CSF2RB: variants seen among roughly 807,000 people sequenced by gnomAD.
CSF2RB encodes the protein colony stimulating factor 2 receptor subunit beta.
Under a neutral mutation model 67.2 loss-of-function variants are expected in CSF2RB, and 22 were observed. That is an observed-to-expected ratio of 0.33 (90% CI 0.23 to 0.47). CSF2RB has a LOEUF of 0.47. Among genes scored for constraint, CSF2RB ranks in the 20% least tolerant of loss-of-function variants. The pLI, the probability that CSF2RB is intolerant of heterozygous loss-of-function variation, is 1.00. For synonymous variants in CSF2RB, 507 were observed against 482.9 expected (o/e 1.05, Z -0.65); for missense variants, 1,113 against 1,174.5 (o/e 0.95, Z 0.76).
rs1012347639 is a variant in CSF2RB, at chr22:36,929,315, C to T, written c.392-87C>T. 2.3e-5 allele frequency: 37 copies of T among 1,583,454 alleles called. No homozygotes were observed. In the Middle Eastern group the frequency reaches 9.1e-4, roughly 39 times the overall value. On this transcript the variant is annotated intron_variant, in intron 4 of 13. Coordinates refer to ENST00000403662, the MANE Select transcript of CSF2RB (RefSeq NM_000395.3). ...GCTGGGGGCAGGGGTGGCCTGGAAC[C>T]CCCTGTGTCCACACAAAAGGCCATG... is the stretch of plus-strand genomic sequence containing the variant.
chr22:36,928,187 A>G (rs949313290), intron 4 of CSF2RB, among the ~76,000 whole-genome samples: 1 of 152,126 alleles, frequency 6.6e-6, no homozygotes, highest in Non-Finnish European at 1.5e-5. Context: ...CTGAGTCTCC[A>G]TGTTTGGAGA....
intron 1 of CSF2RB, among the ~76,000 whole-genome samples, chr22:36,915,870 G>A (rs1940706389): frequency 6.6e-6 from 1 of 152,166 alleles, no homozygotes; most frequent in Non-Finnish European, 1.5e-5. Context: ...TATGGGTGAA[G>A]TTGTACATTT....
intron 1 of CSF2RB, among the ~76,000 whole-genome samples, chr22:36,917,621 G>A (rs1442886275): frequency 2.0e-5 from 3 of 152,064 alleles, no homozygotes; most frequent in South Asian, 2.1e-4. Context: ...GATTTAAAAT[G>A]TATTGAACTT....
At position 36,939,463 on chromosome 22, in the gene CSF2RB, A is replaced by G. The variant is rs1941343729; in HGVS notation, c.*961A>G. The G allele has an allele frequency of 1.8e-6, 1 of 549,818 alleles. No homozygotes were observed. Among genetic ancestry groups the G allele is most frequent in the Non-Finnish European group, 3.3e-6 (1 of 305,370 alleles). 34.1% of individuals were successfully genotyped at this position (549,818 alleles called of 1,614,324 possible). A position where few individuals can be genotyped will look rare whatever the true frequency, so the allele number is the denominator to read the frequency against. ...CAGGCAACTCTCCCTCCCACCGGCCACAGATGAGGGGCTGCTGATCTATGC... is the reference window on the plus strand; with the variant it reads ...CAGGCAACTCTCCCTCCCACCGGCCGCAGATGAGGGGCTGCTGATCTATGC... On this transcript the variant is annotated 3_prime_UTR_variant, in exon 14 of 14. Transcript: ENST00000403662.
At chr22:36,918,820 G>C (rs533447909) in intron 1 of CSF2RB, among the ~76,000 whole-genome samples, 1 of 152,232 alleles carries the variant, frequency 6.6e-6, no homozygotes, top group Non-Finnish European at 1.5e-5. Flanking sequence ...CAGAGTGAGA[G>C]TGGGAATCCA....
intron 4 of CSF2RB, among the ~76,000 whole-genome samples, 172 bp from the exon 5 acceptor site, chr22:36,929,230 T>G (rs1018533401): frequency 1.3e-5 from 2 of 152,180 alleles, no homozygotes; most frequent in African/African-American, 2.4e-5. Context: ...ACCCTACAGT[T>G]TTGCAGATGA....
intron 8 of CSF2RB, among the ~76,000 whole-genome samples, chr22:36,932,010 G>A (rs988300027): frequency 3.9e-5 from 6 of 152,198 alleles, no homozygotes; most frequent in African/African-American, 1.4e-4. Context: ...TTTCCTTAGG[G>A]CAAGTTACTT....
At position 36,935,394 on chromosome 22, in the gene CSF2RB, C is replaced by T. The variant is rs1195182571; in HGVS notation, c.1359C>T (p.Thr453=). Residue 453 remains threonine, a synonymous_variant, in exon 11 of 14, where the codon ACC becomes ACT. Transcript: ENST00000403662. ...WVLALIVIFL[T]IAVLLALRFC... is the part of the protein sequence containing the mutation. Reference sequence around the variant, plus strand: ...TGGCCCTCATCGTGATCTTCCTCACCATCGCTGTGCTCCTGGCCCTCCGCT... The same window carrying T: ...TGGCCCTCATCGTGATCTTCCTCACTATCGCTGTGCTCCTGGCCCTCCGCT... 6.2e-7 allele frequency: 1 copy of T among 1,614,096 alleles called. No homozygotes were observed. The highest frequency in any genetic ancestry group is 1.3e-5 in the African/African-American group (1 of 74,930).
intron 10 of CSF2RB, among the ~76,000 whole-genome samples, chr22:36,934,586 A>G (rs1266449807): frequency 3.3e-5 from 5 of 152,202 alleles, no homozygotes; most frequent in South Asian, 2.1e-4. Flanking sequence ...AGAGCCACAG[A>G]CTGGGTCCTT....
intron 3 of CSF2RB, among the ~76,000 whole-genome samples, chr22:36,924,737 G>A (rs1213949006): frequency 6.6e-6 from 1 of 152,094 alleles, no homozygotes; most frequent in Non-Finnish European, 1.5e-5. Flanking sequence ...ACCAGGGGCA[G>A]CCCCTGACAA....
At chr22:36,929,908 C>T in intron 6 of CSF2RB, 101 bp downstream of exon 6, 1 of 1,459,256 alleles carries the variant, frequency 6.9e-7, no homozygotes, top group East Asian at 2.5e-5. Flanking sequence ...GGGGGCTTCC[C>T]AGATCTCCTG....
At chr22:36,924,955 GTGACCT>G (rs2145791972) in intron 3 of CSF2RB, among the ~76,000 whole-genome samples, 1 of 152,216 alleles carries the variant, frequency 6.6e-6, no homozygotes, top group East Asian at 1.9e-4. Context: ...TCTCCCAAAG[GTGACCT>G]CAAGCCCACA....
Position 36,926,044 on chromosome 22 carries a change from C to G in CSF2RB, c.258C>G (p.Cys86Trp). The change falls in exon 4 of 14, where the codon TGC becomes TGG. Residue 86 changes from cysteine (C) to tryptophan (W), a missense_variant. By Grantham distance (215) the Cys-to-Trp change is radical. Coordinates refer to ENST00000403662, the MANE Select transcript of CSF2RB (RefSeq NM_000395.3). Reference sequence around the variant, plus strand: ...GTGATGACATGCCCTGGTCAGCCTGCCCCCATCCCCGCTGCGTGCCCAGGA... The same window carrying G: ...GTGATGACATGCCCTGGTCAGCCTGGCCCCATCCCCGCTGCGTGCCCAGGA... Reference protein sequence around the residue: ...DLSDDMPWSACPHPRCVPRRC... With the variant: ...DLSDDMPWSAWPHPRCVPRRC... The G allele has an allele frequency of 6.2e-7, 1 of 1,614,216 alleles. No individual in the cohort carries two copies. Among genetic ancestry groups the G allele is most frequent in the Non-Finnish European group, 8.5e-7 (1 of 1,180,036 alleles).
chr22:36,928,221 T>G (rs1280546484), intron 4 of CSF2RB, among the ~76,000 whole-genome samples: 5 of 152,162 alleles, frequency 3.3e-5, no homozygotes, highest in African/African-American at 1.2e-4. Context: ...ACTTCCTCTA[T>G]GAGTTTCTCC....
At chr22:36,935,521 C>T (rs1187056782) in intron 11 of CSF2RB, 80 bp downstream of exon 11, 6 of 1,602,640 alleles carry the variant, frequency 3.7e-6, no homozygotes, top group East Asian at 2.2e-5. Context: ...TCCCTCCAGG[C>T]CCTGCTCTGC....
intron 3 of CSF2RB, 29 bp downstream of exon 3, chr22:36,923,396 G>A (rs758285488): frequency 1.6e-4 from 264 of 1,610,384 alleles, no homozygotes; most frequent in Non-Finnish European, 1.9e-4. Context: ...AGGGGCCACG[G>A]GCAGGGGCTA....
intron 12 of CSF2RB, among the ~76,000 whole-genome samples, chr22:36,936,183 G>A (rs1425105858): frequency 6.6e-6 from 1 of 152,144 alleles, no homozygotes; most frequent in Non-Finnish European, 1.5e-5. Context: ...ATGACCATGG[G>A]GAAGACACCA....
At chr22:36,936,742 C>A in intron 13 of CSF2RB, 90 bp downstream of exon 13, 1 of 1,104,516 alleles carries the variant, frequency 9.1e-7, no homozygotes, top group Non-Finnish European at 1.3e-6. Context: ...GTGAGGCTGC[C>A]TGTGGCTCAC....
intron 3 of CSF2RB, 98 bp downstream of exon 3, chr22:36,923,465 C>T (rs759053533): frequency 1.6e-5 from 24 of 1,526,786 alleles, no homozygotes; most frequent in Non-Finnish European, 2.1e-5. Context: ...TCAGGTCAGC[C>T]TCGGGGTGGG....
Sources: gnomAD v4.1 joint callset for allele counts (sites outside exome capture counted in the v4.1 genomes callset) on GRCh38, gnomAD v4.1.1 for gene constraint, MANE v1.5 for transcripts, NCBI Gene and HGNC (gene_info 2026-07-23, HGNC 2026-07-21) for gene names.